PCSK2: variants seen among roughly 807,000 people sequenced by gnomAD.
PCSK2 encodes the protein neuroendocrine convertase 2.
A neutral mutation model predicts 69.7 loss-of-function variants in PCSK2; 14 were observed. The observed-to-expected ratio is 0.20, with a 90% CI of 0.13 to 0.31. The LOEUF (loss-of-function observed/expected upper bound fraction) is 0.31. Among genes scored for constraint, PCSK2 ranks in the 10% least tolerant of loss-of-function variants. The pLI is 1.00. For synonymous variants in PCSK2, 307 were observed against 320.7 expected (o/e 0.96, Z 0.46); for missense variants, 544 against 842.5 (o/e 0.65, Z 4.39).
chr20:17,247,388 C>T (rs1001367579), intron 1 of PCSK2, among the ~76,000 whole-genome samples: 5 of 152,208 alleles, frequency 3.3e-5, no homozygotes, highest in Non-Finnish European at 7.3e-5. Context: ...GTTTTCAATC[C>T]TTGGTGATTG....
At chr20:17,258,081 T>C (rs1341806409) in intron 1 of PCSK2, among the ~76,000 whole-genome samples, 1 of 152,224 alleles carries the variant, frequency 6.6e-6, no homozygotes, top group Non-Finnish European at 1.5e-5. Flanking sequence ...CTTTTCCAGA[T>C]AGCTTCCAGG....
At chr20:17,381,282 C>T (rs957337816) in intron 5 of PCSK2, among the ~76,000 whole-genome samples, 14 of 152,164 alleles carry the variant, frequency 9.2e-5, no homozygotes, top group Non-Finnish European at 1.8e-4. Context: ...TTAACATCAC[C>T]GGGAGTATTA....
chr20:17,473,375 G>A (rs2033239130), intron 11 of PCSK2, among the ~76,000 whole-genome samples: 1 of 152,242 alleles, frequency 6.6e-6, no homozygotes, highest in East Asian at 1.9e-4. Context: ...ACAGGCGTGA[G>A]CCTCCGCGCC....
intron 5 of PCSK2, among the ~76,000 whole-genome samples, chr20:17,388,481 T>G (rs35604350): frequency 0.09 from 13,726 of 152,160 alleles, 715 homozygotes; most frequent in Non-Finnish European, 0.12. Flanking sequence ...AGGTGCTCCC[T>G]AAATAGTCTT....
At chr20:17,351,520 T>C (rs2029984881) in intron 2 of PCSK2, among the ~76,000 whole-genome samples, 1 of 152,142 alleles carries the variant, frequency 6.6e-6, no homozygotes, top group Admixed American at 6.6e-5. Flanking sequence ...AAGGCTTTAT[T>C]CCTAGGATGC....
At chr20:17,356,006 T>C (rs999815802) in intron 2 of PCSK2, among the ~76,000 whole-genome samples, 5 of 152,324 alleles carry the variant, frequency 3.3e-5, no homozygotes, top group South Asian at 4.1e-4. Flanking sequence ...ACTTGCACAT[T>C]TAATCCCATC....
chr20:17,374,233 G>C (rs2030857334), intron 5 of PCSK2, among the ~76,000 whole-genome samples: 1 of 152,186 alleles, frequency 6.6e-6, no homozygotes, highest in South Asian at 2.1e-4. Flanking sequence ...GCAAGCATGT[G>C]AGACATGACT....
At chr20:17,401,423 A>G (rs1319130167) in intron 5 of PCSK2, among the ~76,000 whole-genome samples, 1 of 152,084 alleles carries the variant, frequency 6.6e-6, no homozygotes, top group Non-Finnish European at 1.5e-5. Context: ...GGCCTCTTTT[A>G]TAAGGGCACT....
rs3076146 is a variant in PCSK2 at position 17,481,388 on chromosome 20, C to CAA, written c.1431-171_1431-170dup. Among the ~76,000 whole-genome samples, 134 of 65,682 alleles carry CAA rather than the reference C, an allele frequency of 2.0e-3. 3 individuals are homozygous for CAA. The highest frequency in any genetic ancestry group is 3.8e-3 in the African/African-American group (50 of 13,172). 43.1% of individuals were successfully genotyped at this position (65,682 alleles called of 152,430 possible). Reference sequence around the variant, plus strand: ...CAGAGTGGGACCCTGTCTCAAAAGACAAAAAAAAAAAAAAAAAAAAAAAAA... The same window carrying CAA: ...CAGAGTGGGACCCTGTCTCAAAAGACAAAAAAAAAAAAAAAAAAAAAAAAAAA... On this transcript the variant is annotated intron_variant, in intron 11 of 11. Transcript: ENST00000262545.
At chr20:17,282,692 G>A (rs1485534562) in intron 2 of PCSK2, among the ~76,000 whole-genome samples, 1 of 150,784 alleles carries the variant, frequency 6.6e-6, no homozygotes, top group Non-Finnish European at 1.5e-5. Flanking sequence ...ATAACTAACG[G>A]ACAAGCAAAG....
intron 2 of PCSK2, among the ~76,000 whole-genome samples, chr20:17,272,318 T>C (rs1045662068): frequency 6.6e-6 from 1 of 152,086 alleles, no homozygotes; most frequent in Non-Finnish European, 1.5e-5. Flanking sequence ...ATTCTTCTAT[T>C]AGCACATCTT....
intron 2 of PCSK2, among the ~76,000 whole-genome samples, chr20:17,297,429 G>A (rs189035242): frequency 7.4e-4 from 113 of 152,314 alleles, no homozygotes; most frequent in African/African-American, 2.6e-3. Flanking sequence ...ATGCATCCTC[G>A]AGCATCATCT....
At chr20:17,276,021 C>T (rs551973509) in intron 2 of PCSK2, among the ~76,000 whole-genome samples, 8 of 152,184 alleles carry the variant, frequency 5.3e-5, no homozygotes, top group Admixed American at 1.3e-4. Flanking sequence ...CTAGGGTAAA[C>T]GTTCAAAAGA....
chr20:17,263,034 A>G (rs1987452693), intron 2 of PCSK2: 1 of 341,072 alleles, frequency 2.9e-6, no homozygotes, highest in Non-Finnish European at 4.1e-6. Context: ...AAGCCCAGGG[A>G]GGGTGGTCTG....
chr20:17,437,220 C>A (rs1268475287), intron 8 of PCSK2, among the ~76,000 whole-genome samples: 1 of 152,250 alleles, frequency 6.6e-6, no homozygotes, highest in African/African-American at 2.4e-5. Context: ...GGCACCCCCA[C>A]CACCCACTCA....
intron 2 of PCSK2, among the ~76,000 whole-genome samples, chr20:17,301,117 G>A (rs6044730): frequency 0.7 from 106,740 of 152,120 alleles, 37,757 homozygotes; most frequent in East Asian, 0.91. Context: ...CAAGACACTA[G>A]GATTGCAGAC....
chr20:17,422,440 A>G (rs2032152616), intron 6 of PCSK2, among the ~76,000 whole-genome samples: 1 of 152,228 alleles, frequency 6.6e-6, no homozygotes, highest in Non-Finnish European at 1.5e-5. Flanking sequence ...AGAGTGGCAT[A>G]CTAAGCTCAG....
intron 5 of PCSK2, among the ~76,000 whole-genome samples, chr20:17,398,061 G>A (rs144881302): frequency 3.0e-4 from 45 of 152,320 alleles, no homozygotes; most frequent in Middle Eastern, 3.4e-3. Context: ...ATGTCTGAAT[G>A]TATTTCTGCC....
At chr20:17,288,885 G>T (rs962729502) in intron 2 of PCSK2, among the ~76,000 whole-genome samples, 2 of 152,172 alleles carry the variant, frequency 1.3e-5, no homozygotes, top group African/African-American at 4.8e-5. Context: ...AAATATACTG[G>T]CTTCAATCTA....
Sources: allele counts gnomAD v4.1 joint callset (sites outside exome capture counted in the v4.1 genomes callset), GRCh38; gene constraint gnomAD v4.1.1; transcripts MANE v1.5; gene names NCBI Gene and HGNC (gene_info 2026-07-23, HGNC 2026-07-21).